The following PCLO variants were observed in gnomAD, a reference collection of about 807,000 sequenced individuals.
PCLO encodes protein piccolo.
In PCLO, 82 loss-of-function variants were observed where a neutral mutation model predicts 427.5. The observed-to-expected ratio is 0.19, with a 90% CI of 0.16 to 0.23. PCLO has a LOEUF of 0.23. Ranked by LOEUF, PCLO falls within the 10% of genes least tolerant of loss-of-function variation. PCLO has a pLI of 1.00. For synonymous variants in PCLO, 2,357 were observed against 2,155.4 expected (o/e 1.09, Z -2.59); for missense variants, 6,239 against 6,115.9 (o/e 1.02, Z -0.67).
At chr7:82,761,783 T>C (rs998852963) in intron 22 of PCLO, among the ~76,000 whole-genome samples, 2 of 152,052 alleles carry the variant, frequency 1.3e-5, no homozygotes, top group African/African-American at 4.8e-5. Context: ...TGAAGAATCT[T>C]ATGGGTAGAC....
At position 82,951,234 on chromosome 7, in the gene PCLO, C is replaced by A. The variant is rs544819549; in HGVS notation, c.9354G>T (p.Leu3118Phe). Residue 3118 changes from leucine (L) to phenylalanine (F), a missense_variant, in exon 6 of 25, where the codon TTG becomes TTT. By Grantham distance (22) the Leu-to-Phe change is conservative. Transcript: ENST00000333891. ...CTGCATCAGCCGTATGAATACCAGA[C>A]AAATCCCTCACTGTGGTGCTGAAAA... ...GSIFSTTVRD[L>F]SGIHTADAVT... The A allele has an allele frequency of 1.2e-6, 2 of 1,613,644 alleles. No homozygotes were observed. The highest frequency in any genetic ancestry group is 1.7e-6 in the Non-Finnish European group (2 of 1,179,748).
intron 6 of PCLO, among the ~76,000 whole-genome samples, chr7:82,920,689 T>C (rs1794575653): frequency 1.3e-5 from 2 of 151,764 alleles, no homozygotes; most frequent in South Asian, 4.1e-4. Context: ...ACCATTTCTA[T>C]ATGGCAAAGG....
chr7:83,102,559 T>C (rs546014584), intron 3 of PCLO, among the ~76,000 whole-genome samples: 1 of 152,100 alleles, frequency 6.6e-6, no homozygotes, highest in Admixed American at 6.5e-5. Context: ...TGCCATTTTG[T>C]GATATCAGGC....
rs1255010442 is a variant in PCLO at position 82,910,664 on chromosome 7, G to T, written c.13301-1651C>A. On this transcript the variant is annotated intron_variant, in intron 7 of 24. Coordinates refer to ENST00000333891, the MANE Select transcript of PCLO (RefSeq NM_033026.6). Reference sequence around the variant, plus strand: ...AATAATTAGTCATCAACTAGAAAAAGTAAACATCCTAGTTATGATAAACAC... The same window carrying T: ...AATAATTAGTCATCAACTAGAAAAATTAAACATCCTAGTTATGATAAACAC... Among the ~76,000 whole-genome samples, 6 of 152,062 alleles carry T rather than the reference G, an allele frequency of 3.9e-5. No individual in the cohort carries two copies. The South Asian group carries it at 1.2e-3, about 31-fold the overall frequency.
At chr7:82,835,093 C>T (rs771338809) in intron 16 of PCLO, among the ~76,000 whole-genome samples, 3 of 151,836 alleles carry the variant, frequency 2.0e-5, no homozygotes, top group South Asian at 2.1e-4. Context: ...TATAGGTGTC[C>T]GCCACCATGC....
intron 9 of PCLO, among the ~76,000 whole-genome samples, chr7:82,888,872 C>G (rs1309384639): frequency 6.6e-6 from 1 of 152,064 alleles, no homozygotes; most frequent in East Asian, 1.9e-4. Context: ...GATCTAAAGG[C>G]TATAGTTAAG....
chr7:82,867,999 A>G (rs953663691), intron 10 of PCLO: 27 of 371,464 alleles, frequency 7.3e-5, no homozygotes, highest in Non-Finnish European at 1.3e-4. Context: ...TCCTAAATAT[A>G]TATTAGAAAA....
intron 16 of PCLO, among the ~76,000 whole-genome samples, chr7:82,831,223 T>G (rs1237127049): frequency 1.3e-5 from 2 of 152,238 alleles, no homozygotes; most frequent in East Asian, 3.9e-4. Context: ...TTAAGGCGTA[T>G]TGTCAAAGTT....
At chr7:82,980,946 A>G (rs10250437) in intron 3 of PCLO, among the ~76,000 whole-genome samples, 11,221 of 152,202 alleles carry the variant, frequency 0.074, 1,407 homozygotes, top group African/African-American at 0.26. Context: ...CACAGATGAA[A>G]AAATTCAAAC....
At chr7:82,986,521 T>C (rs1378421524) in intron 3 of PCLO, among the ~76,000 whole-genome samples, 2 of 151,964 alleles carry the variant, frequency 1.3e-5, no homozygotes, top group East Asian at 3.8e-4. Flanking sequence ...AAATTATTCA[T>C]TTAAAATAAC....
At chr7:83,037,989 T>TTATATATATATATATATATATA (rs1161030427) in intron 3 of PCLO, among the ~76,000 whole-genome samples, 5 of 13,590 alleles carry the variant, frequency 3.7e-4, no homozygotes, top group Admixed American at 1.6e-3. Context: ...AAGGAGGAGC[T>TTATATATATATATATATATATA]TATATATATA....
chr7:83,139,783 C>T (rs1303271267), intron 2 of PCLO, among the ~76,000 whole-genome samples: 2 of 152,080 alleles, frequency 1.3e-5, no homozygotes, highest in South Asian at 4.2e-4. Context: ...TGCTAGAATA[C>T]GGGTTGAAAT....
chr7:82,777,603 A>G (rs1350600670), intron 22 of PCLO, among the ~76,000 whole-genome samples: 1 of 152,152 alleles, frequency 6.6e-6, no homozygotes, highest in Admixed American at 6.5e-5. Flanking sequence ...GTACACCTAC[A>G]ACTATCTGAT....
In PCLO at chr7:82,954,131, T is replaced by C; in HGVS notation, c.6822A>G (p.Ile2274Met). The change falls in exon 5 of 25, where the codon ATA (isoleucine) becomes ATG (methionine). Residue 2274 changes from isoleucine to methionine, a missense_variant. Around this residue, in one of 5 missense-constraint regions of PCLO, gnomAD observed 4,677 missense variants for 4,468.4 expected, o/e 1.05. Coordinates refer to ENST00000333891, the MANE Select transcript of PCLO (RefSeq NM_033026.6). ...ISLSDMASSI[I>M]ESVVPKPEGP... ...CTTCAGGTTTAGGTACTACAGATTC[T>C]ATGATAGAAGATGCCATATCAGATA... 1 of 1,613,932 alleles carries C rather than the reference T, an allele frequency of 6.2e-7. No homozygotes were observed. Among genetic ancestry groups the C allele is most frequent in the South Asian group, 1.1e-5 (1 of 91,082 alleles).
chr7:83,063,987 A>T (rs1031729342), intron 3 of PCLO, among the ~76,000 whole-genome samples: 28 of 152,188 alleles, frequency 1.8e-4, no homozygotes, highest in African/African-American at 6.5e-4. Flanking sequence ...GTATTTGAAG[A>T]CAGTAGGCTC....
chr7:82,781,037 C>T (rs1208637889), intron 22 of PCLO, among the ~76,000 whole-genome samples: 2 of 151,508 alleles, frequency 1.3e-5, no homozygotes, highest in Admixed American at 6.6e-5. Context: ...GAAGAGTAAA[C>T]TATTTTTAAA....
At chr7:82,763,677 C>T (rs547238708) in intron 22 of PCLO, among the ~76,000 whole-genome samples, 23 of 152,024 alleles carry the variant, frequency 1.5e-4, no homozygotes, top group Non-Finnish European at 3.2e-4. Context: ...TATCTCTCCT[C>T]GCTCTCTTCC....
At chr7:83,028,341 T>C (rs1415919670) in intron 3 of PCLO, among the ~76,000 whole-genome samples, 1 of 147,860 alleles carries the variant, frequency 6.8e-6, no homozygotes, top group Non-Finnish European at 1.5e-5. Flanking sequence ...AAATCATGAG[T>C]GAACTCCCAT....
chr7:82,987,274 GA>G (rs1322372350), intron 3 of PCLO, among the ~76,000 whole-genome samples: 5 of 151,722 alleles, frequency 3.3e-5, no homozygotes, highest in Non-Finnish European at 7.4e-5. Context: ...TTGATTTTTA[GA>G]AAAAAATCCT....
Sources: gnomAD v4.1 joint callset for allele counts (sites outside exome capture counted in the v4.1 genomes callset) on GRCh38, gnomAD v4.1.1 for gene constraint, gnomAD v4.1.1 regional missense constraint, MANE v1.5 for transcripts, NCBI Gene and HGNC (gene_info 2026-07-23, HGNC 2026-07-21) for gene names.